The following MTHFD2L variants were observed in gnomAD, a reference collection of about 807,000 sequenced individuals.
The protein encoded by MTHFD2L is bifunctional methylenetetrahydrofolate dehydrogenase/cyclohydrolase 2, mitochondrial.
A neutral mutation model predicts 34.9 loss-of-function variants in MTHFD2L; 29 were observed. The observed-to-expected ratio is 0.83, with a 90% confidence interval of 0.62 to 1.13. The LOEUF is 1.13. Among genes scored for constraint, MTHFD2L ranks in the 50% most tolerant of loss-of-function variants. The pLI is 0.00. For missense variants in MTHFD2L, 481 were observed against 446.5 expected, an observed-to-expected ratio of 1.08 and a Z score of -0.70; for synonymous variants, 167 against 155.7, an observed-to-expected ratio of 1.07 and a Z score of -0.54.
chr4:74,163,221 T>C (rs927571671), intron 1 of MTHFD2L, among the ~76,000 whole-genome samples: 3 of 152,264 alleles, frequency 2.0e-5, no homozygotes, highest in Admixed American at 6.5e-5. Flanking sequence ...TATTTTGTTA[T>C]GGTAGTTAGA....
intron 5 of MTHFD2L, among the ~76,000 whole-genome samples, chr4:74,215,960 G>A (rs1351431271): frequency 2.0e-5 from 3 of 149,362 alleles, no homozygotes; most frequent in Non-Finnish European, 4.4e-5. Flanking sequence ...CTGAGAGCTT[G>A]TTAGCAGGAA....
intron 6 of MTHFD2L, among the ~76,000 whole-genome samples, chr4:74,233,781 G>A (rs1210628302): frequency 6.6e-6 from 1 of 151,286 alleles, no homozygotes; most frequent in East Asian, 1.9e-4. Context: ...TTCTTCATTT[G>A]ACTGAGACCC....
At chr4:74,160,049 T>C in intron 1 of MTHFD2L, 1 of 1,287,912 alleles carries the variant, frequency 7.8e-7, no homozygotes, top group South Asian at 1.2e-5. Flanking sequence ...CTCTTTTCTC[T>C]TCTAGGACCA....
rs1048892304 is a variant in MTHFD2L at position 74,178,659 on chromosome 4, C to T, written c.451+3256C>T. Among the ~76,000 whole-genome samples the T allele has an allele frequency of 2.6e-5, 4 of 151,956 alleles. No homozygotes were observed. The East Asian group carries it at 5.8e-4, about 22-fold the overall frequency. Reference sequence around the variant, plus strand: ...GGATGTTCTGAGAAAGGGCAGTTTTCTATGTAGCCAAAAAGCCAATAATGC... The same window carrying T: ...GGATGTTCTGAGAAAGGGCAGTTTTTTATGTAGCCAAAAAGCCAATAATGC... On this transcript the variant is annotated intron_variant, in intron 3 of 7. Coordinates refer to ENST00000325278, the MANE Select transcript of MTHFD2L (RefSeq NM_001144978.3).
At chr4:74,249,579 T>C (rs954037334) in intron 6 of MTHFD2L, among the ~76,000 whole-genome samples, 7 of 152,204 alleles carry the variant, frequency 4.6e-5, no homozygotes, top group Non-Finnish European at 7.3e-5. Context: ...CTAATCTTGA[T>C]GGTCTTTACA....
chr4:74,253,924 C>A (rs1445244539), intron 6 of MTHFD2L, among the ~76,000 whole-genome samples: 1 of 152,184 alleles, frequency 6.6e-6, no homozygotes, highest in Non-Finnish European at 1.5e-5. Context: ...GGCCTGTCCC[C>A]ATAGTGACAG....
At chr4:74,292,984 A>G (rs1434470883) in intron 7 of MTHFD2L, among the ~76,000 whole-genome samples, 1 of 151,804 alleles carries the variant, frequency 6.6e-6, no homozygotes, top group Non-Finnish European at 1.5e-5. Flanking sequence ...AAGTGGTATG[A>G]GTGGTATTTT....
intron 1 of MTHFD2L, among the ~76,000 whole-genome samples, chr4:74,147,749 G>A (rs522698): frequency 0.96 from 146,249 of 152,238 alleles, 70,521 homozygotes; most frequent in East Asian, 1. Context: ...ATAACATTGC[G>A]CTTTGGATTT....
chr4:74,186,900 C>G (rs377678560), intron 3 of MTHFD2L, among the ~76,000 whole-genome samples: 7 of 152,048 alleles, frequency 4.6e-5, no homozygotes, highest in African/African-American at 1.7e-4. Flanking sequence ...TGCCTGATGT[C>G]AAAATGAGTT....
rs1270158283 is a variant in MTHFD2L, at chr4:74,302,303, A to ATAT, written c.*502_*504dup. ...TATTGAAATATTGAAAATATTGAAAATATTATTATTGAAAATAAAATCTTG... is the reference window on the plus strand; with the variant it reads ...TATTGAAATATTGAAAATATTGAAAATATTATTATTATTGAAAATAAAATCTTG... On this transcript the variant is annotated 3_prime_UTR_variant, in exon 8 of 8. Coordinates refer to ENST00000325278, the MANE Select transcript of MTHFD2L (RefSeq NM_001144978.3). 2 of 152,156 alleles carry ATAT rather than the reference A, an allele frequency of 1.3e-5. No homozygotes were observed. Among genetic ancestry groups the ATAT allele is most frequent in the Non-Finnish European group, 2.9e-5 (2 of 68,034 alleles). The allele number at this position is 152,156 out of a possible 1,614,324, so 9.4% of individuals were successfully genotyped here.
intron 1 of MTHFD2L, among the ~76,000 whole-genome samples, chr4:74,126,587 G>C (rs1034447014): frequency 6.6e-6 from 1 of 151,940 alleles, no homozygotes; most frequent in Admixed American, 6.6e-5. Context: ...ATAGACGTAA[G>C]AAGAGGTGGA....
At chr4:74,148,091 G>A (rs1723706402) in intron 1 of MTHFD2L, among the ~76,000 whole-genome samples, 1 of 151,996 alleles carries the variant, frequency 6.6e-6, no homozygotes, top group African/African-American at 2.4e-5. Context: ...TGGATATCCA[G>A]TTTTCCTAAC....
intron 1 of MTHFD2L, among the ~76,000 whole-genome samples, chr4:74,132,922 A>G (rs1722658302): frequency 6.6e-6 from 1 of 152,202 alleles, no homozygotes; most frequent in Non-Finnish European, 1.5e-5. Flanking sequence ...GCACACCACA[A>G]TTAAATTATT....
At chr4:74,153,338 A>T (rs1724057558), upstream of MTHFD2L, among the ~76,000 whole-genome samples, 1 of 152,236 alleles carries the variant, frequency 6.6e-6, no homozygotes, top group Non-Finnish European at 1.5e-5. Context: ...AAGATGCCCC[A>T]AGCAATGTCA....
chr4:74,174,392 C>A (rs1728616257), intron 1 of MTHFD2L, 114 bp from the exon 2 acceptor site: 3 of 783,750 alleles, frequency 3.8e-6, no homozygotes, highest in South Asian at 4.5e-5. Flanking sequence ...AAAAAAAAAT[C>A]AAATTTTGGG....
At chr4:74,139,481 T>C (rs1723152529) in intron 1 of MTHFD2L, among the ~76,000 whole-genome samples, 1 of 152,160 alleles carries the variant, frequency 6.6e-6, no homozygotes, top group African/African-American at 2.4e-5. Flanking sequence ...TTCCTGTAGG[T>C]TGAAGCAGTA....
upstream of MTHFD2L, among the ~76,000 whole-genome samples, chr4:74,123,052 G>A (rs1286612824): frequency 1.3e-5 from 2 of 152,164 alleles, no homozygotes; most frequent in African/African-American, 4.8e-5. Context: ...ATTGAGAGGT[G>A]TGTACATTTA....
At chr4:74,291,863 G>C (rs183304654) in intron 7 of MTHFD2L, among the ~76,000 whole-genome samples, 29 of 152,278 alleles carry the variant, frequency 1.9e-4, no homozygotes, top group Admixed American at 6.5e-4. Flanking sequence ...TCAGTTTTCA[G>C]TGTCAATCAT....
At chr4:74,226,621 G>T (rs1409654314) in intron 6 of MTHFD2L, among the ~76,000 whole-genome samples, 2 of 152,112 alleles carry the variant, frequency 1.3e-5, no homozygotes, top group Non-Finnish European at 2.9e-5. Flanking sequence ...ATATTTGAGA[G>T]TTTATCATTT....
Sources: gnomAD v4.1 joint callset for allele counts (sites outside exome capture counted in the v4.1 genomes callset) on GRCh38, gnomAD v4.1.1 for gene constraint, MANE v1.5 for transcripts, NCBI Gene and HGNC (gene_info 2026-07-23, HGNC 2026-07-21) for gene names.